DLC1: variants seen among roughly 807,000 people sequenced by gnomAD.
DLC1 encodes the protein rho GTPase-activating protein 7.
A neutral mutation model predicts 140.3 loss-of-function variants in DLC1; 54 were observed. That is an observed-to-expected ratio of 0.38 (90% CI 0.31 to 0.48). The LOEUF is 0.48. DLC1 is among the 20% of genes least tolerant of loss of function. The pLI is 0.96. For missense variants in DLC1, 2,536 were observed against 1,907.0 expected (o/e 1.33, Z -6.14); for synonymous variants, 986 against 728.1 (o/e 1.35, Z -5.70).
chr8:13,503,245 A>C lies in DLC1; in HGVS notation c.-125-3049T>G, dbSNP rs534743026. Among the ~76,000 whole-genome samples the C allele has an allele frequency of 3.3e-5, 5 of 152,212 alleles. No individual in the cohort carries two copies. In the South Asian group the frequency reaches 1.0e-3, roughly 32 times the overall value. On this transcript the variant is annotated intron_variant, in intron 1 of 17. Coordinates refer to ENST00000276297, the MANE Select transcript of DLC1 (RefSeq NM_182643.3). ...ATAGAGAGATGATGTTTCTACAAAA[A>C]ATGCAAAAATTAGCCAGGAGTGGTG...
intron 7 of DLC1, among the ~76,000 whole-genome samples, chr8:13,109,623 G>A (rs34380928): frequency 0.36 from 54,742 of 151,318 alleles, 12,083 homozygotes; most frequent in Middle Eastern, 0.51. Flanking sequence ...GGTGGCTCAC[G>A]CCTGTAATCC....
chr8:13,444,871 C>T (rs1563352177), intron 2 of DLC1, among the ~76,000 whole-genome samples: 1 of 151,830 alleles, frequency 6.6e-6, no homozygotes, highest in East Asian at 1.9e-4. Context: ...ACAAATTACA[C>T]AAAAAAGTGT....
At chr8:13,601,049 A>T (rs1805863519) in intron 1 of DLC1, among the ~76,000 whole-genome samples, 1 of 151,772 alleles carries the variant, frequency 6.6e-6, no homozygotes, top group Non-Finnish European at 1.5e-5. Context: ...ATGGTTATCT[A>T]CTTTGAGCCA....
chr8:13,244,295 C>CA (rs1829664766), intron 5 of DLC1, among the ~76,000 whole-genome samples: 1 of 144,038 alleles, frequency 6.9e-6, no homozygotes. Context: ...CTTCCCTTTC[C>CA]AATTTTTTTT....
At chr8:13,448,456 T>C (rs1331800307) in intron 2 of DLC1, among the ~76,000 whole-genome samples, 1 of 151,658 alleles carries the variant, frequency 6.6e-6, no homozygotes, top group Non-Finnish European at 1.5e-5. Flanking sequence ...CTCCACCTCC[T>C]GGTTCAAGTG....
intron 5 of DLC1, among the ~76,000 whole-genome samples, chr8:13,207,988 CT>C (rs1435156312): frequency 3.3e-5 from 5 of 152,164 alleles, no homozygotes; most frequent in Admixed American, 3.3e-4. Context: ...AGTTGAGATT[CT>C]ATTTGGTTCA....
intron 1 of DLC1, among the ~76,000 whole-genome samples, chr8:13,569,168 A>G (rs1429115215): frequency 2.0e-5 from 3 of 152,172 alleles, no homozygotes; most frequent in South Asian, 4.1e-4. Flanking sequence ...GCCATTTATT[A>G]TCTATTTCCT....
chr8:13,257,208 G>A (rs1466670867), intron 5 of DLC1, among the ~76,000 whole-genome samples: 1 of 147,850 alleles, frequency 6.8e-6, no homozygotes, highest in Non-Finnish European at 1.5e-5. Flanking sequence ...GACTACATAT[G>A]CTTATCATAA....
At chr8:13,197,449 C>T (rs746080741) in intron 5 of DLC1, among the ~76,000 whole-genome samples, 8 of 151,744 alleles carry the variant, frequency 5.3e-5, no homozygotes, top group Non-Finnish European at 1.2e-4. Flanking sequence ...CCCAGGTTCA[C>T]GCCATTCTCC....
At chr8:13,489,647 G>A (rs555640765) in intron 2 of DLC1, among the ~76,000 whole-genome samples, 1 of 152,184 alleles carries the variant, frequency 6.6e-6, no homozygotes, top group South Asian at 2.1e-4. Flanking sequence ...TACGTGTGAG[G>A]GAAGCAGGAC....
intron 6 of DLC1, 53 bp from the exon 7 acceptor site, chr8:13,110,876 C>A: frequency 6.5e-7 from 1 of 1,532,806 alleles, no homozygotes; most frequent in South Asian, 1.1e-5. Context: ...CCCAATTTGC[C>A]AAATAGCCCA....
At chr8:13,449,009 A>T (rs1798923936) in intron 2 of DLC1, among the ~76,000 whole-genome samples, 3 of 152,110 alleles carry the variant, frequency 2.0e-5, no homozygotes, top group Admixed American at 2.0e-4. Context: ...CTGTCAGCTG[A>T]TGCCTGTTTT....
chr8:13,350,897 A>C (rs1385845736), intron 4 of DLC1, among the ~76,000 whole-genome samples: 1 of 152,074 alleles, frequency 6.6e-6, no homozygotes, highest in African/African-American at 2.4e-5. Context: ...TTCTTTTGAG[A>C]TCTTGTTTTG....
At chr8:13,299,639 A>G (rs1181469012) in intron 5 of DLC1, among the ~76,000 whole-genome samples, 1 of 152,134 alleles carries the variant, frequency 6.6e-6, no homozygotes, top group Non-Finnish European at 1.5e-5. Context: ...CAACCAACAA[A>G]CAAAATGAAG....
intron 5 of DLC1, among the ~76,000 whole-genome samples, chr8:13,117,388 G>C (rs1820646266): frequency 6.6e-6 from 1 of 151,978 alleles, no homozygotes; most frequent in Non-Finnish European, 1.5e-5. Flanking sequence ...TGAGGTGGGA[G>C]GATTGCTTCA....
chr8:13,343,491 TATTG>T (rs1316573011), intron 4 of DLC1, among the ~76,000 whole-genome samples: 1 of 152,212 alleles, frequency 6.6e-6, no homozygotes, highest in Non-Finnish European at 1.5e-5. Flanking sequence ...GGAAGAAATG[TATTG>T]ATTGTCTACT....
At chr8:13,552,936 T>C (rs1803914324) in intron 1 of DLC1, among the ~76,000 whole-genome samples, 1 of 151,610 alleles carries the variant, frequency 6.6e-6, no homozygotes, top group Admixed American at 6.6e-5. Flanking sequence ...TTAGAAGAAA[T>C]TATTTAATTT....
intron 5 of DLC1, among the ~76,000 whole-genome samples, chr8:13,169,075 T>A (rs993708827): frequency 6.6e-6 from 1 of 152,264 alleles, no homozygotes; most frequent in East Asian, 1.9e-4. Flanking sequence ...TATCTTCATC[T>A]TCACCTTGTT....
chr8:13,447,893 T>G (rs1475507777), intron 2 of DLC1, among the ~76,000 whole-genome samples: 1 of 152,288 alleles, frequency 6.6e-6, no homozygotes, highest in East Asian at 1.9e-4. Flanking sequence ...GTCTCTAAAT[T>G]TAACATTTTT....
Sources: gnomAD v4.1 joint callset for allele counts (sites outside exome capture counted in the v4.1 genomes callset) on GRCh38, gnomAD v4.1.1 for gene constraint, MANE v1.5 for transcripts, NCBI Gene and HGNC (gene_info 2026-07-23, HGNC 2026-07-21) for gene names.